Variants in STARD8 observed in about 807,000 individuals in gnomAD.
STARD8 encodes stAR-related lipid transfer protein 8.
In STARD8, 25 loss-of-function variants were observed where a neutral mutation model predicts 69.4. That is an observed-to-expected ratio of 0.36 (90% CI 0.26 to 0.50). The LOEUF (loss-of-function observed/expected upper bound fraction) is 0.50. Ranked by LOEUF, STARD8 falls within the 20% of genes least tolerant of loss-of-function variation. The probability of loss-of-function intolerance (pLI) is 0.96; values close to 1 mark genes in which losing one functional copy is unlikely to be tolerated. For synonymous variants in STARD8, 389 were observed against 374.6 expected, an observed-to-expected ratio of 1.04 and a Z score of -0.45; for missense variants, 921 against 932.5, an observed-to-expected ratio of 0.99 and a Z score of 0.16.
intron 2 of STARD8, among the ~76,000 whole-genome samples, chrX:68,698,752 G>A (rs977049750): frequency 9.0e-6 from 1 of 111,234 alleles, no homozygotes; most frequent in African/African-American, 3.3e-5. Flanking sequence ...CCCCTCTATA[G>A]CTTTCTCTCG....
At position 68,723,682 on chromosome X, in the gene STARD8, C is replaced by T; in HGVS notation, c.2856C>T (p.Pro952=). 2 of 1,199,363 alleles carry T rather than the reference C, an allele frequency of 1.7e-6. No homozygotes were observed. The highest frequency in any genetic ancestry group is 2.2e-6 in the Non-Finnish European group (2 of 889,546). The change falls in exon 13 of 15, where the codon CCC becomes CCT. Residue 952 remains proline, a synonymous_variant. Coordinates refer to ENST00000374599, the MANE Select transcript of STARD8 (RefSeq NM_001142503.3). ...LWKASTEVAA[P]PAVVLHRVLR... ...AGGCATCCACAGAGGTGGCAGCCCC[C>T]CCAGCTGTGGTGCTGCATCGTGTTC... is the stretch of plus-strand genomic sequence containing the variant.
At chrX:68,656,647 ACC>A (rs1372712999) in intron 1 of STARD8, 1 of 112,235 alleles carries the variant, frequency 8.9e-6, no homozygotes, top group African/African-American at 3.2e-5. Flanking sequence ...ACAATGTGGC[ACC>A]TATACACACC....
Position 68,647,819 on chromosome X carries a change from C to T in STARD8, c.-64C>T. The T allele has an allele frequency of 7.7e-6, 9 of 1,162,094 alleles. No individual in the cohort carries two copies. The highest frequency in any genetic ancestry group is 1.0e-5 in the Non-Finnish European group (9 of 866,804). On this transcript the variant is annotated 5_prime_UTR_variant, in exon 1 of 15. Coordinates refer to ENST00000374599, the MANE Select transcript of STARD8 (RefSeq NM_001142503.3). ...CCCGGGCCTCTTTTAGCCTCGTCCC[C>T]AGAGAGGGAGGAGCCGGTGCCCGGC...
rs200243164 is a variant in STARD8, at chrX:68,717,447, C to A, written c.533C>A (p.Ala178Asp). The change falls in exon 6 of 15, where the codon GCC becomes GAC. Residue 178 changes from alanine to aspartate, a missense_variant. Physicochemically the swap from Ala to Asp is moderately radical, Grantham distance 126. Transcript: ENST00000374599. ...EPADLPLPGR[A>D]PSSSDRPLLS... ...GCAGACTTGCCCTTGCCAGGCCGTG[C>A]CCCCAGCTCGAGTGACCGGCCCCTC... is the stretch of plus-strand genomic sequence containing the variant. 1 of 1,209,976 alleles carries A rather than the reference C, an allele frequency of 8.3e-7. No homozygotes were observed. The highest frequency in any genetic ancestry group is 1.1e-6 in the Non-Finnish European group (1 of 894,810).
At chrX:68,660,096 G>C (rs2147875695) in intron 1 of STARD8, among the ~76,000 whole-genome samples, 1 of 111,149 alleles carries the variant, frequency 9.0e-6, no homozygotes, top group East Asian at 2.9e-4. Flanking sequence ...CTCCAAGCCA[G>C]TGTGGGACAG....
Position 68,694,202 on chromosome X carries a change from C to T in STARD8, c.80-18712C>T, listed in dbSNP as rs2079901188. Among the ~76,000 whole-genome samples the T allele has an allele frequency of 3.5e-5, 4 of 112,726 alleles. No homozygotes were observed. The South Asian group carries it at 1.5e-3, about 41-fold the overall frequency. ...GCGGCAGAGCTTCAGGCTCTGTTGCCGGGTCGCGCCAGATCTCCTGCCCTC... is the reference window on the plus strand; with the variant it reads ...GCGGCAGAGCTTCAGGCTCTGTTGCTGGGTCGCGCCAGATCTCCTGCCCTC... On this transcript the variant is annotated intron_variant, in intron 2 of 14. Coordinates refer to ENST00000374599, the MANE Select transcript of STARD8 (RefSeq NM_001142503.3).
At chrX:68,706,332 T>C (rs2080006663) in intron 2 of STARD8, among the ~76,000 whole-genome samples, 2 of 111,939 alleles carry the variant, frequency 1.8e-5, no homozygotes, top group African/African-American at 6.5e-5. Context: ...TGTGCCTCCC[T>C]CTGTAAGAAT....
rs371787677 is a variant in STARD8 at position 68,672,713 on chromosome X, G to C, written c.79+7181G>C. ...TAAAACTAAATTCCATTCAAACAGC[G>C]CCCCACCCCCCATGGCAGGGCAGCC... On this transcript the variant is annotated intron_variant, in intron 2 of 14. Coordinates refer to ENST00000374599, the MANE Select transcript of STARD8 (RefSeq NM_001142503.3). 6.7e-3 allele frequency among the ~76,000 whole-genome samples: 670 copies of C among 99,894 alleles called. 6 individuals carry two copies. The highest frequency in any genetic ancestry group is 0.031 in the African/African-American group (649 of 21,083). 86.7% of individuals were successfully genotyped at this position (99,894 alleles called of 115,157 possible). A position where few individuals can be genotyped will look rare whatever the true frequency, so the allele number is the denominator to read the frequency against.
chrX:68,703,485 C>T (rs1318973701), intron 2 of STARD8, among the ~76,000 whole-genome samples: 2 of 112,663 alleles, frequency 1.8e-5, no homozygotes, highest in African/African-American at 6.4e-5. Context: ...TTGCTATGTG[C>T]TCAGCATCAC....
chrX:68,698,440 C>T (rs1476899394), intron 2 of STARD8, among the ~76,000 whole-genome samples: 1 of 110,346 alleles, frequency 9.1e-6, no homozygotes, highest in Non-Finnish European at 1.9e-5. Flanking sequence ...AGCTGTGGGT[C>T]CCTCCACACC....
intron 2 of STARD8, among the ~76,000 whole-genome samples, chrX:68,667,995 G>A (rs2079694023): frequency 9.0e-6 from 1 of 111,102 alleles, no homozygotes; most frequent in South Asian, 3.9e-4. Context: ...TGACAAAAAA[G>A]CCAAAATACT....
intron 3 of STARD8, among the ~76,000 whole-genome samples, chrX:68,714,404 A>G (rs1189323962): frequency 8.9e-6 from 1 of 112,045 alleles, no homozygotes; most frequent in Non-Finnish European, 1.9e-5. Flanking sequence ...CTCTCTCTGC[A>G]GTTTCCTTGC....
At chrX:68,670,211 A>G (rs1569356108) in intron 2 of STARD8, among the ~76,000 whole-genome samples, 1 of 112,193 alleles carries the variant, frequency 8.9e-6, no homozygotes, top group Non-Finnish European at 1.9e-5. Flanking sequence ...CGTCTCCATC[A>G]TTAACTCCTT....
chrX:68,693,771 C>T, intron 2 of STARD8: 2 of 755,195 alleles, frequency 2.6e-6, no homozygotes, highest in Non-Finnish European at 3.1e-6. Context: ...GGCTCGCCTC[C>T]TGCCCGCTCG....
intron 2 of STARD8, among the ~76,000 whole-genome samples, chrX:68,699,982 A>C (rs931364644): frequency 9.0e-6 from 1 of 111,356 alleles, no homozygotes; most frequent in Non-Finnish European, 1.9e-5. Flanking sequence ...TGTTGAGTTA[A>C]ATACAATGTA....
At chrX:68,679,590 G>T (rs940473225) in intron 2 of STARD8, among the ~76,000 whole-genome samples, 16 of 112,064 alleles carry the variant, frequency 1.4e-4, no homozygotes, top group Admixed American at 9.4e-4. Context: ...GCTAGGAAAG[G>T]AGAGTGAGCA....
At chrX:68,699,428 G>C (rs1399611463) in intron 2 of STARD8, among the ~76,000 whole-genome samples, 1 of 112,413 alleles carries the variant, frequency 8.9e-6, no homozygotes, top group African/African-American at 3.2e-5. Context: ...ATGTGTGAAA[G>C]TTTTCTCTTA....
rs766001817 is a variant in STARD8 at position 68,716,453 on chromosome X, G to T, written c.297+22G>T. 1.7e-5 allele frequency: 20 copies of T among 1,203,255 alleles called. No individual in the cohort carries two copies. In the Admixed American group the frequency reaches 4.0e-4, roughly 24 times the overall value. ...GCAGGTGAGTCATGGCAAAGCGTGG[G>T]TCTGTGGTCTTGTGGTGCCATAAGG... On this transcript the variant is annotated intron_variant, in intron 5 of 14. Transcript: ENST00000374599.
chrX:68,680,724 G>A (rs962014145), intron 2 of STARD8, among the ~76,000 whole-genome samples: 41 of 110,930 alleles, frequency 3.7e-4, no homozygotes, highest in Non-Finnish European at 1.1e-4. Context: ...TGTGTACTAA[G>A]GCCAGGAAGT....
Sources: gnomAD v4.1 joint callset for allele counts (sites outside exome capture counted in the v4.1 genomes callset) on GRCh38, gnomAD v4.1.1 for gene constraint, MANE v1.5 for transcripts, NCBI Gene and HGNC (gene_info 2026-07-23, HGNC 2026-07-21) for gene names.